Variants in GRIK2 observed in about 807,000 individuals in gnomAD.
The protein encoded by GRIK2 is glutamate ionotropic receptor kainate type subunit 2.
A neutral mutation model predicts 100.3 loss-of-function variants in GRIK2; 32 were observed. The ratio of observed to expected loss-of-function variants is 0.32; its 90% CI spans 0.24 to 0.43. The LOEUF (loss-of-function observed/expected upper bound fraction) is 0.43. Among genes scored for constraint, GRIK2 ranks in the 20% least tolerant of loss-of-function variants. The pLI is 1.00. For missense variants in GRIK2, 843 were observed against 1,114.9 expected, an observed-to-expected ratio of 0.76 and a Z score of 3.47; for synonymous variants, 417 against 389.4, an observed-to-expected ratio of 1.07 and a Z score of -0.83.
intron 4 of GRIK2, among the ~76,000 whole-genome samples, chr6:101,666,904 C>T (rs1447003418): frequency 1.3e-5 from 2 of 151,998 alleles, no homozygotes; most frequent in African/African-American, 2.4e-5. Flanking sequence ...TTAACAGAAC[C>T]AATGAAAAGG....
At chr6:102,003,662 A>G (rs943703355) in intron 14 of GRIK2, among the ~76,000 whole-genome samples, 1 of 151,758 alleles carries the variant, frequency 6.6e-6, no homozygotes, top group African/African-American at 2.4e-5. Context: ...GTCATTGCAT[A>G]TATCTGCCAG....
At chr6:101,658,185 C>T (rs767610744) in intron 4 of GRIK2, among the ~76,000 whole-genome samples, 2 of 152,132 alleles carry the variant, frequency 1.3e-5, no homozygotes, top group Admixed American at 6.6e-5. Context: ...AGGTACTTCT[C>T]CTAATACTAT....
At chr6:101,705,339 C>T (rs969488807) in intron 7 of GRIK2, among the ~76,000 whole-genome samples, 3 of 151,060 alleles carry the variant, frequency 2.0e-5, no homozygotes. Flanking sequence ...GTTCCTTTTT[C>T]CTGTGAAACA....
chr6:101,926,878 G>A (rs1416928093), intron 13 of GRIK2, among the ~76,000 whole-genome samples: 2 of 152,146 alleles, frequency 1.3e-5, no homozygotes, highest in African/African-American at 2.4e-5. Context: ...TATGTCAAAT[G>A]TCTCCACTAT....
In GRIK2 at chr6:101,841,369, A is replaced by AT. The variant is rs112472112; in HGVS notation, c.1318-17906dup. ...CGTGCATTGTGAATATCTCAGAATG[A>AT]TTTTTTTTTTTTGGTACGGTTTCTC... On this transcript the variant is annotated intron_variant, in intron 10 of 16. Coordinates refer to ENST00000369134, the MANE Select transcript of GRIK2 (RefSeq NM_021956.5). 9.1e-3 allele frequency among the ~76,000 whole-genome samples: 1,338 copies of AT among 147,114 alleles called. 18 individuals carry two copies. Among genetic ancestry groups the AT allele is most frequent in the African/African-American group, 0.029 (1,162 of 40,290 alleles).
intron 14 of GRIK2, among the ~76,000 whole-genome samples, chr6:102,029,668 T>C (rs775272050): frequency 1.3e-5 from 2 of 151,246 alleles, no homozygotes; most frequent in Non-Finnish European, 3.0e-5. Flanking sequence ...GTGTTTAATA[T>C]AAATATTTTC....
chr6:102,023,498 G>T (rs1441377633), intron 14 of GRIK2, among the ~76,000 whole-genome samples: 1 of 151,430 alleles, frequency 6.6e-6, no homozygotes, highest in Non-Finnish European at 1.5e-5. Context: ...GACATAAGAA[G>T]GTTTTGGATT....
intron 3 of GRIK2, among the ~76,000 whole-genome samples, chr6:101,624,990 G>C (rs759762378): frequency 2.0e-5 from 3 of 151,996 alleles, no homozygotes; most frequent in Non-Finnish European, 4.4e-5. Context: ...GGCAGGTCTC[G>C]AATTCCTCGT....
At chr6:101,955,357 A>T (rs1791848944) in intron 14 of GRIK2, among the ~76,000 whole-genome samples, 1 of 152,148 alleles carries the variant, frequency 6.6e-6, no homozygotes, top group African/African-American at 2.4e-5. Context: ...AAGTGTTAAC[A>T]ATTATATATC....
intron 4 of GRIK2, among the ~76,000 whole-genome samples, chr6:101,668,109 A>G (rs901636727): frequency 3.9e-5 from 6 of 152,210 alleles, no homozygotes; most frequent in Non-Finnish European, 8.8e-5. Flanking sequence ...AGACTTGAGT[A>G]TGTCCCAAGG....
intron 9 of GRIK2, among the ~76,000 whole-genome samples, chr6:101,817,331 A>G (rs1432975129): frequency 2.0e-5 from 3 of 152,220 alleles, no homozygotes; most frequent in African/African-American, 7.2e-5. Context: ...TGCTAAATCA[A>G]TGCCATTTTA....
intron 2 of GRIK2, among the ~76,000 whole-genome samples, chr6:101,468,398 C>A (rs1002461447): frequency 6.6e-6 from 1 of 152,090 alleles, no homozygotes; most frequent in Non-Finnish European, 1.5e-5. Flanking sequence ...AGATAGAAAT[C>A]TAAGTTTCAA....
chr6:101,924,744 C>A, intron 13 of GRIK2, 25 bp downstream of exon 13: 1 of 1,376,084 alleles, frequency 7.3e-7, no homozygotes, highest in Non-Finnish European at 1.0e-6. Flanking sequence ...CTGCTATTTC[C>A]TTTGGGCACC....
chr6:101,568,016 T>C (rs879894736), intron 2 of GRIK2, among the ~76,000 whole-genome samples: 32 of 152,000 alleles, frequency 2.1e-4, no homozygotes, highest in Non-Finnish European at 1.9e-4. Context: ...CAGTATGAAC[T>C]TTATTGATCT....
intron 7 of GRIK2, among the ~76,000 whole-genome samples, chr6:101,706,488 C>A (rs545909584): frequency 6.7e-4 from 101 of 151,800 alleles, no homozygotes; most frequent in South Asian, 3.3e-3. Flanking sequence ...TATATATCAT[C>A]AAATATTGTA....
At position 101,987,709 on chromosome 6, in the gene GRIK2, T is replaced by G. The variant is rs1794096978; in HGVS notation, c.2086-47632T>G. 2.6e-5 allele frequency among the ~76,000 whole-genome samples: 4 copies of G among 150,980 alleles called. No individual in the cohort carries two copies. The South Asian group carries it at 8.3e-4, about 31-fold the overall frequency. On this transcript the variant is annotated intron_variant, in intron 14 of 16. Transcript: ENST00000369134. ...ATTTATGGAAATTTAAATTTATGAA[T>G]TTATATTTTAATATCTTCATTTTTT...
intron 7 of GRIK2, among the ~76,000 whole-genome samples, chr6:101,787,738 G>C (rs1309957082): frequency 1.3e-5 from 2 of 151,966 alleles, no homozygotes; most frequent in Non-Finnish European, 2.9e-5. Context: ...GTTTTTCCTG[G>C]ACTGTTTTGT....
intron 9 of GRIK2, among the ~76,000 whole-genome samples, chr6:101,805,515 A>G (rs1780942805): frequency 6.6e-6 from 1 of 151,990 alleles, no homozygotes; most frequent in African/African-American, 2.4e-5. Flanking sequence ...TGCTAGGTTT[A>G]TCCCTCTTCT....
intron 14 of GRIK2, among the ~76,000 whole-genome samples, chr6:101,960,305 A>G (rs1189981219): frequency 6.6e-6 from 1 of 151,560 alleles, no homozygotes; most frequent in Non-Finnish European, 1.5e-5. Context: ...CTCACAATCT[A>G]TATTTTGAAT....
Sources: gnomAD v4.1 joint callset for allele counts (sites outside exome capture counted in the v4.1 genomes callset) on GRCh38, gnomAD v4.1.1 for gene constraint, MANE v1.5 for transcripts, NCBI Gene and HGNC (gene_info 2026-07-23, HGNC 2026-07-21) for gene names.